The following CHCHD10 variants were observed in gnomAD, a reference collection of about 807,000 sequenced individuals.
The protein encoded by CHCHD10 is coiled-coil-helix-coiled-coil-helix domain-containing protein 10, mitochondrial.
A neutral mutation model predicts 14.8 loss-of-function variants in CHCHD10; 10 were observed. The observed-to-expected ratio is 0.67, with a 90% CI of 0.42 to 1.14. CHCHD10 has a LOEUF of 1.14. CHCHD10 is among the 50% of genes most tolerant of loss of function. The pLI, the probability that CHCHD10 is intolerant of heterozygous loss-of-function variation, is 0.00. For synonymous variants in CHCHD10, 90 were observed against 85.2 expected (o/e 1.06, Z -0.31); for missense variants, 203 against 196.9 (o/e 1.03, Z -0.19).
At chr22:23,767,730 G>T (rs972398258) in intron 1 of CHCHD10, 104 bp downstream of exon 1, 32 of 1,063,128 alleles carry the variant, frequency 3.0e-5, no homozygotes, top group Middle Eastern at 4.5e-4. Context: ...CCCTCCCCCC[G>T]CCAAGATGGC....
rs767069606 is a variant in CHCHD10 at position 23,767,411 on chromosome 22, C to G, written c.224G>C (p.Gly75Ala). 9 of 1,608,060 alleles carry G rather than the reference C, an allele frequency of 5.6e-6. No homozygotes were observed. Among genetic ancestry groups the G allele is most frequent in the Admixed American group, 5.0e-5 (3 of 59,790 alleles). The change falls in exon 2 of 4, where the codon GGG (glycine) becomes GCG (alanine). Residue 75 changes from glycine (G) to alanine (A), a missense_variant. Physicochemically the swap from Gly to Ala is moderately conservative, Grantham distance 60 (BLOSUM62 0). Transcript: ENST00000484558. ...AGGCTGGGAGGGCTCCGAGCTCCCCCCGCTGAAGGCTCCGGTCAGGGCGCT... is the reference window on the plus strand; with the variant it reads ...AGGCTGGGAGGGCTCCGAGCTCCCCGCGCTGAAGGCTCCGGTCAGGGCGCT... ...MGSALTGAFS[G>A]GSSEPSQPAV...
Position 23,765,935 on chromosome 22 carries a change from G to T in CHCHD10, c.*72C>A. On this transcript the variant is annotated 3_prime_UTR_variant, in exon 4 of 4. Transcript: ENST00000484558. ...ATCCCAGCTATCTGGGTACAATCTG[G>T]TGTTGTGGTCTGGCTGTCGGCGAGG... is the stretch of plus-strand genomic sequence containing the variant. The T allele has an allele frequency of 6.2e-7, 1 of 1,607,150 alleles. No individual in the cohort carries two copies. Among genetic ancestry groups the T allele is most frequent in the Non-Finnish European group, 8.5e-7 (1 of 1,174,828 alleles).
rs1488835329 is a variant in CHCHD10, at chr22:23,767,456, G to A, written c.179C>T (p.Ala60Val). ...GGCGCTGCCCATGACGTGTCCCACA[G>A]CCGAGCCCACGGCTACCCCTGCGGC... The part of the protein sequence containing the change: ...TTAAGVAVGS[A>V]VGHVMGSALT... Residue 60 changes from alanine (A) to valine (V), a missense_variant, in exon 2 of 4, where the codon GCT becomes GTT. Physicochemically the swap from Ala to Val is moderately conservative, Grantham distance 64. Coordinates refer to ENST00000484558, the MANE Select transcript of CHCHD10 (RefSeq NM_213720.3). 4 of 1,601,450 alleles carry A rather than the reference G, an allele frequency of 2.5e-6. No homozygotes were observed. The African/African-American group carries it at 5.4e-5, about 22-fold the overall frequency.
At position 23,767,875 on chromosome 22, in the gene CHCHD10, G is replaced by T. The variant is rs942797359; in HGVS notation, c.-1C>A. 5 of 1,509,706 alleles carry T rather than the reference G, an allele frequency of 3.3e-6. No homozygotes were observed. The East Asian group carries it at 8.1e-5, about 24-fold the overall frequency. 93.5% of individuals were successfully genotyped at this position (1,509,706 alleles called of 1,614,324 possible). A position where few individuals can be genotyped will look rare whatever the true frequency, so the allele number is the denominator to read the frequency against. On this transcript the variant is annotated 5_prime_UTR_variant, in exon 1 of 4. Transcript: ENST00000484558. ...CCGCGCTGCGGCTTCCCCGAGGCAT[G>T]GTGGCGGCGGTGGGACCCGGGCGAC...
In CHCHD10 at chr22:23,766,280, G is replaced by A. The variant is rs750056280; in HGVS notation, c.262-5C>T. 95 of 1,546,010 alleles carry A rather than the reference G, an allele frequency of 6.1e-5. 2 individuals are homozygous for A. The South Asian group carries it at 9.4e-4, about 15-fold the overall frequency. The stretch of plus-strand genomic sequence containing the variant: ...GGGGGCAGCGGGGGTGGGGGCCTGG[G>A]GGTACAGTGCAAGAGGCTGCAGGAT... On this transcript the variant is annotated splice_region_variant and splice_polypyrimidine_tract_variant and intron_variant, in intron 2 of 3. Transcript: ENST00000484558.
chr22:23,767,055 C>G (rs1926888812), intron 2 of CHCHD10, among the ~76,000 whole-genome samples: 2 of 152,218 alleles, frequency 1.3e-5, no homozygotes, highest in Non-Finnish European at 2.9e-5. Context: ...CTCAGGAAAT[C>G]CAACATCCCT....
rs756331072 is a variant in CHCHD10 at position 23,767,461 on chromosome 22, G to C, written c.174C>G (p.Gly58=). Residue 58 remains glycine (G), a synonymous_variant, in exon 2 of 4, where the codon GGC becomes GGG. Transcript: ENST00000484558. ...MATTAAGVAV[G]SAVGHVMGSA... Reference sequence around the variant, plus strand: ...TGCCCATGACGTGTCCCACAGCCGAGCCCACGGCTACCCCTGCGGCCGTGG... The same window carrying C: ...TGCCCATGACGTGTCCCACAGCCGACCCCACGGCTACCCCTGCGGCCGTGG... 3 of 1,598,194 alleles carry C rather than the reference G, an allele frequency of 1.9e-6. No individual in the cohort carries two copies. In the Admixed American group the frequency reaches 5.1e-5, roughly 27 times the overall value.
intron 1 of CHCHD10, 120 bp downstream of exon 1, chr22:23,767,714 C>A: frequency 1.0e-6 from 1 of 997,544 alleles, no homozygotes; most frequent in South Asian, 1.6e-5. Context: ...GGTGCTGCAC[C>A]CCCACCCCTC....
At chr22:23,767,141 T>C (rs912957893) in intron 2 of CHCHD10, among the ~76,000 whole-genome samples, 3 of 152,150 alleles carry the variant, frequency 2.0e-5, no homozygotes, top group Non-Finnish European at 4.4e-5. Flanking sequence ...TTTAAAGGGC[T>C]GGTTGGTGTC....
intron 2 of CHCHD10, among the ~76,000 whole-genome samples, chr22:23,766,733 T>G (rs1454839179): frequency 6.6e-6 from 1 of 152,228 alleles, no homozygotes; most frequent in Non-Finnish European, 1.5e-5. Context: ...ATTACAGGCA[T>G]GAGCCACTGC....
At chr22:23,767,685 AC>A in intron 1 of CHCHD10, 92 bp from the exon 2 acceptor site, 1 of 845,796 alleles carries the variant, frequency 1.2e-6, no homozygotes, top group Non-Finnish European at 1.8e-6. Context: ...GAGATGGACG[AC>A]CCACGTCTCC....
At chr22:23,766,783 G>A (rs1191522139) in intron 2 of CHCHD10, among the ~76,000 whole-genome samples, 2 of 152,180 alleles carry the variant, frequency 1.3e-5, no homozygotes, top group Non-Finnish European at 2.9e-5. Flanking sequence ...CTTTGGGCGG[G>A]TGCAGGAGAG....
chr22:23,766,259 G>GGGGGGGC lies in CHCHD10; in HGVS notation c.277_278insGCCCCCC (p.Ala93GlyfsTer28). Reference sequence around the variant, plus strand: ...GGGCCCCATCTGCAGGGGCTGGGGGGCAGCGGGGGTGGGGGCCTGGGGGTA... The same window carrying GGGGGGGC: ...GGGCCCCATCTGCAGGGGCTGGGGGGGGGGGGCCAGCGGGGGTGGGGGCCTGGGGGTA... On this transcript the variant is annotated frameshift_variant, in exon 3 of 4. Coordinates refer to ENST00000484558, the MANE Select transcript of CHCHD10 (RefSeq NM_213720.3). LOFTEE classifies it high-confidence loss of function. 2 of 1,508,752 alleles carry GGGGGGGC rather than the reference G, an allele frequency of 1.3e-6. No individual in the cohort carries two copies. The highest frequency in any genetic ancestry group is 1.8e-6 in the Non-Finnish European group (2 of 1,112,976). The allele number at this position is 1,508,752 out of a possible 1,614,324, so 93.5% of individuals were successfully genotyped here.
rs1361128305 is a variant in CHCHD10, at chr22:23,766,313, G to C, written c.262-38C>G. ...TGCAAGAGGCTGCAGGATCAGCTTG[G>C]AGTTGGCACCTGGAGGTGCGTTTCA... is the stretch of plus-strand genomic sequence containing the variant. On this transcript the variant is annotated intron_variant, in intron 2 of 3. Coordinates refer to ENST00000484558, the MANE Select transcript of CHCHD10 (RefSeq NM_213720.3). 3.9e-6 allele frequency: 6 copies of C among 1,523,450 alleles called. No homozygotes were observed. In the South Asian group the frequency reaches 4.9e-5, roughly 12 times the overall value. The allele number at this position is 1,523,450 out of a possible 1,614,324, so 94.4% of individuals were successfully genotyped here.
Position 23,767,518 on chromosome 22 carries a change from C to T in CHCHD10, c.117G>A (p.Ser39=), listed in dbSNP as rs1190563264. Residue 39 remains serine, a synonymous_variant, in exon 2 of 4, where the codon TCG becomes TCA. Transcript: ENST00000484558. ...TCTGAGCCATGAGCCCCGGCTGGCC[C>T]GAAGGGGCGGGGGCTGGGGCGGCTG... ...PSAAAPAPAP[S]GQPGLMAQMA... is the part of the protein sequence containing the mutation. 2.7e-6 allele frequency: 4 copies of T among 1,507,190 alleles called. No homozygotes were observed. Among genetic ancestry groups the T allele is most frequent in the Non-Finnish European group, 2.7e-6 (3 of 1,127,410 alleles). The allele number at this position is 1,507,190 out of a possible 1,614,324, so 93.4% of individuals were successfully genotyped here. A position where few individuals can be genotyped will look rare whatever the true frequency, so the allele number is the denominator to read the frequency against.
chr22:23,767,461 G>T lies in CHCHD10; in HGVS notation c.174C>A (p.Gly58=), dbSNP rs756331072. 1 of 1,598,312 alleles carries T rather than the reference G, an allele frequency of 6.3e-7. No individual in the cohort carries two copies. The highest frequency in any genetic ancestry group is 1.7e-5 in the Admixed American group (1 of 58,874). Residue 58 remains glycine, a synonymous_variant, in exon 2 of 4, where the codon GGC becomes GGA. Coordinates refer to ENST00000484558, the MANE Select transcript of CHCHD10 (RefSeq NM_213720.3). ...TGCCCATGACGTGTCCCACAGCCGA[G>T]CCCACGGCTACCCCTGCGGCCGTGG... The part of the protein sequence containing the change: ...MATTAAGVAV[G]SAVGHVMGSA...
chr22:23,766,129 A>G lies in CHCHD10; in HGVS notation c.408T>C (p.His136=), dbSNP rs113677828. 12 of 1,613,444 alleles carry G rather than the reference A, an allele frequency of 7.4e-6. No individual in the cohort carries two copies. Among genetic ancestry groups the G allele is most frequent in the Non-Finnish European group, 1.0e-5 (12 of 1,179,818 alleles). The change falls in exon 3 of 4, where the codon CAT becomes CAC. Residue 136 remains histidine (H), a splice_region_variant and synonymous_variant. Coordinates refer to ENST00000484558, the MANE Select transcript of CHCHD10 (RefSeq NM_213720.3). ...SEALKQCKYY[H]GLSSLP ...CTGAGTCGGGGTCCACTCACTCACC[A>G]TGGTAGTACTTGCACTGCTTCAGGG... is the stretch of plus-strand genomic sequence containing the variant.
chr22:23,767,908 ACGGCGGCAG>A lies in CHCHD10; in HGVS notation c.-43_-35del, dbSNP rs1927000487. 2 of 1,471,890 alleles carry A rather than the reference ACGGCGGCAG, an allele frequency of 1.4e-6. No homozygotes were observed. The highest frequency in any genetic ancestry group is 4.9e-5 in the Admixed American group (2 of 40,640). The allele number at this position is 1,471,890 out of a possible 1,614,324, so 91.2% of individuals were successfully genotyped here. On this transcript the variant is annotated 5_prime_UTR_variant, in exon 1 of 4. Coordinates refer to ENST00000484558, the MANE Select transcript of CHCHD10 (RefSeq NM_213720.3). ...CGGTGGGACCCGGGCGACCTTAGAG[ACGGCGGCAG>A]CGGTGCTGTCGCGGGGACAAATGCC...
chr22:23,766,266 G>C lies in CHCHD10; in HGVS notation c.271C>G (p.Pro91Ala). The C allele has an allele frequency of 6.6e-7, 1 of 1,507,886 alleles. No individual in the cohort carries two copies. The highest frequency in any genetic ancestry group is 1.4e-5 in the African/African-American group (1 of 72,376). 93.4% of individuals were successfully genotyped at this position (1,507,886 alleles called of 1,614,324 possible). A position where few individuals can be genotyped will look rare whatever the true frequency, so the allele number is the denominator to read the frequency against. Residue 91 changes from proline (P) to alanine (A), a missense_variant, in exon 3 of 4, where the codon CCC becomes GCC. Transcript: ENST00000484558. ...SQPAVQQAPT[P>A]AAPQPLQMGP... ...ATCTGCAGGGGCTGGGGGGCAGCGG[G>C]GGTGGGGGCCTGGGGGTACAGTGCA...
Sources: allele counts gnomAD v4.1 joint callset (sites outside exome capture counted in the v4.1 genomes callset), GRCh38; gene constraint gnomAD v4.1.1; transcripts MANE v1.5; gene names NCBI Gene and HGNC (gene_info 2026-07-23, HGNC 2026-07-21).